The following SRI variants were observed in gnomAD, a reference collection of about 807,000 sequenced individuals.
The protein encoded by SRI is 22 kDa protein.
A neutral mutation model predicts 33.3 loss-of-function variants in SRI; 30 were observed. The ratio of observed to expected loss-of-function variants is 0.90; its 90% CI spans 0.67 to 1.22. The LOEUF is 1.22. Among genes scored for constraint, SRI ranks in the 50% most tolerant of loss-of-function variants. SRI has a pLI of 0.00. For synonymous variants in SRI, 75 were observed against 89.9 expected (o/e 0.83, Z 0.94); for missense variants, 243 against 250.8 (o/e 0.97, Z 0.21).
At chr7:88,225,997 CA>C (rs1483792221) in intron 1 of SRI, among the ~76,000 whole-genome samples, 3 of 152,080 alleles carry the variant, frequency 2.0e-5, no homozygotes, top group Admixed American at 1.3e-4. Context: ...TACTGATTAT[CA>C]AGTCTCTACA....
chr7:88,226,883 A>G, intron 1 of SRI: 2 of 1,611,030 alleles, frequency 1.2e-6, no homozygotes, highest in Middle Eastern at 1.7e-4. Flanking sequence ...GAATAGTCTA[A>G]TATTATATAC....
chr7:88,223,576 G>A (rs1482618073), upstream of SRI, among the ~76,000 whole-genome samples: 1 of 152,216 alleles, frequency 6.6e-6, no homozygotes, highest in Non-Finnish European at 1.5e-5. Context: ...AGTATCCATA[G>A]ACAATAGATA....
chr7:88,214,986 A>C (rs1446996291), intron 3 of SRI: 1 of 491,680 alleles, frequency 2.0e-6, no homozygotes, highest in South Asian at 1.5e-5. Context: ...ACTGACTGGA[A>C]CACAACTTCT....
intron 7 of SRI, 54 bp from the exon 8 acceptor site, chr7:88,206,558 G>T: frequency 2.5e-6 from 4 of 1,602,618 alleles, no homozygotes; most frequent in Non-Finnish European, 3.4e-6. Flanking sequence ...ATACGGCACA[G>T]CCTATTTCTG....
upstream of SRI, among the ~76,000 whole-genome samples, chr7:88,224,509 T>C (rs1414164693): frequency 6.6e-6 from 1 of 152,218 alleles, no homozygotes; most frequent in African/African-American, 2.4e-5. Context: ...TTTAAAGACC[T>C]CTGCCTTAGA....
rs1328847174 is a variant in SRI, at chr7:88,219,970, A to T, written c.51+6T>A. On this transcript the variant is annotated splice_donor_region_variant and intron_variant, in intron 1 of 7. Coordinates refer to ENST00000265729, the MANE Select transcript of SRI (RefSeq NM_003130.4). ...TGGGCCGCGATCCCGCGCAGTCAGCACTTACCCCGCCTGGGTAGTACCCGC... is the reference window on the plus strand; with the variant it reads ...TGGGCCGCGATCCCGCGCAGTCAGCTCTTACCCCGCCTGGGTAGTACCCGC... 2 of 1,540,110 alleles carry T rather than the reference A, an allele frequency of 1.3e-6. No individual in the cohort carries two copies. Among genetic ancestry groups the T allele is most frequent in the African/African-American group, 2.8e-5 (2 of 72,024 alleles).
At chr7:88,216,031 G>A (rs1851702992) in intron 3 of SRI, among the ~76,000 whole-genome samples, 1 of 152,230 alleles carries the variant, frequency 6.6e-6, no homozygotes, top group South Asian at 2.1e-4. Flanking sequence ...AGGCTGGAGT[G>A]CAGTGGCACA....
intron 2 of SRI, 99 bp from the exon 3 acceptor site, chr7:88,217,290 A>C: frequency 9.8e-7 from 1 of 1,021,438 alleles, no homozygotes; most frequent in Non-Finnish European, 1.5e-6. Flanking sequence ...GAAAATCAGT[A>C]TCTTTTTTTT....
chr7:88,219,465 C>T (rs1259916018), intron 1 of SRI: 3 of 184,024 alleles, frequency 1.6e-5, no homozygotes, highest in Non-Finnish European at 3.4e-5. Flanking sequence ...CCCAGACGCC[C>T]GGCGAGGCTG....
At chr7:88,213,428 A>G (rs1164024197) in intron 3 of SRI, among the ~76,000 whole-genome samples, 1 of 152,178 alleles carries the variant, frequency 6.6e-6, no homozygotes, top group Non-Finnish European at 1.5e-5. Flanking sequence ...GAACCACGCT[A>G]TTTCTGGGTC....
At chr7:88,216,467 T>C (rs1005419002) in intron 3 of SRI, among the ~76,000 whole-genome samples, 2 of 152,096 alleles carry the variant, frequency 1.3e-5, no homozygotes, top group Non-Finnish European at 2.9e-5. Context: ...GGCAACCACT[T>C]ATGTTAGCAG....
chr7:88,209,653 C>A (rs566030311), intron 5 of SRI, among the ~76,000 whole-genome samples: 1 of 152,116 alleles, frequency 6.6e-6, no homozygotes, highest in African/African-American at 2.4e-5. Flanking sequence ...GTCTCACTCT[C>A]GCCCAGGCTG....
intron 7 of SRI, 117 bp downstream of exon 7, chr7:88,208,390 T>A: frequency 1.4e-6 from 2 of 1,458,672 alleles, no homozygotes; most frequent in Non-Finnish European, 1.8e-6. Context: ...AACTTTTGAA[T>A]CCCTTATGTC....
chr7:88,218,243 A>G (rs1171613507), intron 2 of SRI, among the ~76,000 whole-genome samples: 1 of 152,170 alleles, frequency 6.6e-6, no homozygotes, highest in East Asian at 1.9e-4. Context: ...AGCACCTGTC[A>G]TACAACTCAG....
chr7:88,206,300 A>C lies in SRI; in HGVS notation c.*178T>G. On this transcript the variant is annotated 3_prime_UTR_variant, in exon 8 of 8. Coordinates refer to ENST00000265729, the MANE Select transcript of SRI (RefSeq NM_003130.4). ...CAGACTAGATCTTATTAAAGTTCCA[A>C]AGAATTTATTATCAAAACTAAAACA... 1 of 732,194 alleles carries C rather than the reference A, an allele frequency of 1.4e-6. No individual in the cohort carries two copies. Among genetic ancestry groups the C allele is most frequent in the Non-Finnish European group, 2.3e-6 (1 of 426,300 alleles). 45.4% of individuals were successfully genotyped at this position (732,194 alleles called of 1,614,324 possible).
chr7:88,220,066 A>C, upstream of SRI: 1 of 1,500,212 alleles, frequency 6.7e-7, no homozygotes, highest in South Asian at 1.2e-5. Context: ...CCTGTGCGCC[A>C]GGCCTCTCCG....
At chr7:88,221,026 G>C (rs185699728), upstream of SRI, among the ~76,000 whole-genome samples, 32 of 152,298 alleles carry the variant, frequency 2.1e-4, no homozygotes, top group East Asian at 5.8e-3. Flanking sequence ...GCCCTTCACT[G>C]TTAAGGACTA....
intron 1 of SRI, among the ~76,000 whole-genome samples, chr7:88,225,552 C>A (rs987007096): frequency 1.3e-5 from 2 of 152,156 alleles, no homozygotes; most frequent in African/African-American, 4.8e-5. Context: ...CCCAGCCATG[C>A]CAGTTAGATT....
intron 3 of SRI, among the ~76,000 whole-genome samples, chr7:88,215,381 C>G (rs182532727): frequency 1.3e-5 from 2 of 152,340 alleles, no homozygotes; most frequent in Admixed American, 1.3e-4. Flanking sequence ...ATTCTAAAAT[C>G]TGCCACACCT....
Sources: gnomAD v4.1 joint callset for allele counts (sites outside exome capture counted in the v4.1 genomes callset) on GRCh38, gnomAD v4.1.1 for gene constraint, MANE v1.5 for transcripts, NCBI Gene and HGNC (gene_info 2026-07-23, HGNC 2026-07-21) for gene names.